Variants in FMO3 observed in about 807,000 individuals in gnomAD.
The protein encoded by FMO3 is flavin containing dimethylaniline monoxygenase 3.
FMO3 carries 40 observed loss-of-function variants against 39.4 expected under a neutral mutation model. That is an observed-to-expected ratio of 1.02 (90% confidence interval 0.79 to 1.32). The LOEUF (loss-of-function observed/expected upper bound fraction) is 1.32, where lower values mean the gene tolerates loss of function less well. Among genes scored for constraint, FMO3 ranks in the 40% most tolerant of loss-of-function variants. The pLI, the probability that FMO3 is intolerant of heterozygous loss-of-function variation, is 0.00. For synonymous variants in FMO3, 219 were observed against 228.8 expected (o/e 0.96, Z 0.39); for missense variants, 680 against 651.8 (o/e 1.04, Z -0.47).
chr1:171,095,765 TA>T (rs1159955566), intron 2 of FMO3, among the ~76,000 whole-genome samples: 1 of 131,824 alleles, frequency 7.6e-6, no homozygotes, highest in African/African-American at 2.8e-5. Context: ...AATATATATT[TA>T]ATATATATTT....
At chr1:171,107,271 G>C (rs1015323793) in intron 3 of FMO3, among the ~76,000 whole-genome samples, 1 of 152,056 alleles carries the variant, frequency 6.6e-6, no homozygotes, top group African/African-American at 2.4e-5. Flanking sequence ...TAATTTTCTG[G>C]ATCACGTTTT....
chr1:171,113,811 C>T (rs191150942), intron 6 of FMO3, among the ~76,000 whole-genome samples, 196 bp from the exon 7 acceptor site: 1 of 152,030 alleles, frequency 6.6e-6, no homozygotes, highest in African/African-American at 2.4e-5. Context: ...AGAGATGGGG[C>T]CAGCAAATAA....
intron 2 of FMO3, among the ~76,000 whole-genome samples, chr1:171,095,933 T>C (rs1349263590): frequency 1.2e-5 from 1 of 84,936 alleles, no homozygotes; most frequent in Non-Finnish European, 2.1e-5. Context: ...TATAATTATA[T>C]ATAATATATA....
chr1:171,107,904 T>C, intron 4 of FMO3, 67 bp downstream of exon 4: 1 of 1,529,408 alleles, frequency 6.5e-7, no homozygotes, highest in East Asian at 2.2e-5. Context: ...AATGTCTTCT[T>C]TTTTCTAAAA....
chr1:171,105,458 C>T (rs527358368), intron 3 of FMO3, among the ~76,000 whole-genome samples: 69 of 152,224 alleles, frequency 4.5e-4, no homozygotes, highest in Middle Eastern at 3.4e-3. Flanking sequence ...CCTGAGGAAT[C>T]GCCACACTGA....
Position 171,106,186 on chromosome 1 carries a change from G to A in FMO3, c.322-1489G>A, listed in dbSNP as rs565089297. On this transcript the variant is annotated intron_variant, in intron 3 of 8. Coordinates refer to ENST00000367755, the MANE Select transcript of FMO3 (RefSeq NM_001002294.3). ...ACGGAGTTTCCCTCTTGCTGCCCAG[G>A]CTGGAGTGCAATGGTGTGATCTCGG... Among the ~76,000 whole-genome samples, 95 of 151,732 alleles carry A rather than the reference G, an allele frequency of 6.3e-4. No individual in the cohort carries two copies. In the South Asian group the frequency reaches 0.019, roughly 30 times the overall value.
chr1:171,110,675 C>T, intron 5 of FMO3, 123 bp from the exon 6 acceptor site: 1 of 909,774 alleles, frequency 1.1e-6, no homozygotes, highest in Admixed American at 1.8e-5. Flanking sequence ...TGAGAGATGT[C>T]TTCTGACACC....
intron 7 of FMO3, among the ~76,000 whole-genome samples, chr1:171,114,689 A>C (rs1454069285): frequency 6.6e-6 from 1 of 152,236 alleles, no homozygotes; most frequent in Admixed American, 6.5e-5. Context: ...TTATAAAATT[A>C]TGATTGCAAA....
intron 3 of FMO3, among the ~76,000 whole-genome samples, chr1:171,107,365 C>T (rs1482598090): frequency 6.6e-6 from 1 of 152,124 alleles, no homozygotes; most frequent in Non-Finnish European, 1.5e-5. Flanking sequence ...TCCAGAACAT[C>T]ATTGGCCATC....
At chr1:171,099,759 C>A in intron 2 of FMO3, 1 of 117,612 alleles carries the variant, frequency 8.5e-6, no homozygotes, top group Non-Finnish European at 1.7e-5. Context: ...CCATGTCTTT[C>A]TTTTTTTTTT....
At chr1:171,112,274 C>G (rs1268273185) in intron 6 of FMO3, among the ~76,000 whole-genome samples, 1 of 152,192 alleles carries the variant, frequency 6.6e-6, no homozygotes, top group African/African-American at 2.4e-5. Flanking sequence ...GAAACTACAG[C>G]AGGCATCTGA....
chr1:171,108,367 A>G lies in FMO3; in HGVS notation c.627+146A>G, dbSNP rs146771691. On this transcript the variant is annotated intron_variant, in intron 5 of 8. Coordinates refer to ENST00000367755, the MANE Select transcript of FMO3 (RefSeq NM_001002294.3). ...TATTTCACATAGCTGAGCTTCCCCAAGTAACAGGTGAGGTTTTAAATCACT... is the reference window on the plus strand; with the variant it reads ...TATTTCACATAGCTGAGCTTCCCCAGGTAACAGGTGAGGTTTTAAATCACT... The G allele has an allele frequency of 5.2e-4, 484 of 924,814 alleles. 5 individuals carry two copies. In the East Asian group the frequency reaches 0.012, roughly 24 times the overall value. The allele number at this position is 924,814 out of a possible 1,614,324, so 57.3% of individuals were successfully genotyped here.
chr1:171,104,164 C>T (rs1172984625), intron 3 of FMO3, among the ~76,000 whole-genome samples, 191 bp downstream of exon 3: 2 of 152,060 alleles, frequency 1.3e-5, no homozygotes, highest in African/African-American at 4.8e-5. Flanking sequence ...CAAAATTTGA[C>T]CACCTACAGT....
At chr1:171,109,814 T>C (rs1301086537) in intron 5 of FMO3, among the ~76,000 whole-genome samples, 2 of 152,118 alleles carry the variant, frequency 1.3e-5, no homozygotes, top group African/African-American at 4.8e-5. Flanking sequence ...AATTCTGGGA[T>C]TATAGGCGTG....
At chr1:171,114,776 T>C (rs188339518) in intron 7 of FMO3, among the ~76,000 whole-genome samples, 1 of 152,276 alleles carries the variant, frequency 6.6e-6, no homozygotes. Context: ...ACTTCAAATA[T>C]CCACAGTCAT....
In FMO3 at chr1:171,092,268, G is replaced by A. The variant is rs188896032; in HGVS notation, c.-6-385G>A. Among the ~76,000 whole-genome samples the A allele has an allele frequency of 5.3e-3, 808 of 152,214 alleles. 7 individuals are homozygous for A. Among genetic ancestry groups the A allele is most frequent in the Non-Finnish European group, 9.2e-3 (627 of 67,996 alleles). On this transcript the variant is annotated intron_variant, in intron 1 of 8. Transcript: ENST00000367755. ...AAGGTCTTACTCTGTCACCCAGGCT[G>A]GAGTGCAGTGGTACAATCACGGCTC...
intron 7 of FMO3, among the ~76,000 whole-genome samples, chr1:171,115,998 G>T (rs753787923): frequency 6.6e-6 from 1 of 152,146 alleles, no homozygotes; most frequent in Non-Finnish European, 1.5e-5. Context: ...GAAACATCTT[G>T]TAACCAGTTT....
At chr1:171,114,473 AT>A (rs1656059110) in intron 7 of FMO3, 111 bp downstream of exon 7, 2 of 803,868 alleles carry the variant, frequency 2.5e-6, no homozygotes, top group Admixed American at 2.0e-5. Flanking sequence ...AGTTTTGAAA[AT>A]TTATAATTCT....
At chr1:171,096,373 T>C (rs1334625956) in intron 2 of FMO3, among the ~76,000 whole-genome samples, 1 of 84,110 alleles carries the variant, frequency 1.2e-5, no homozygotes, top group Non-Finnish European at 1.9e-5. Flanking sequence ...ATATATATTA[T>C]AATTATATAT....
Sources: allele counts gnomAD v4.1 joint callset (sites outside exome capture counted in the v4.1 genomes callset), GRCh38; gene constraint gnomAD v4.1.1; transcripts MANE v1.5; gene names NCBI Gene and HGNC (gene_info 2026-07-23, HGNC 2026-07-21).